The following CATSPERT variants were observed in gnomAD, a reference collection of about 807,000 sequenced individuals.
CATSPERT encodes the protein cation channel sperm-associated targeting subunit tau.
the CATSPERT span, among the ~76,000 whole-genome samples, chr2:201,531,552 G>C: frequency 6.6e-6 from 1 of 152,132 alleles, no homozygotes; most frequent in Non-Finnish European, 1.5e-5. Flanking sequence ...GGATGGAGGA[G>C]GGTGGATGGG....
At chr2:201,579,575 A>T in the CATSPERT span, among the ~76,000 whole-genome samples, 319 of 152,172 alleles carry the variant, frequency 2.1e-3, no homozygotes, top group African/African-American at 7.3e-3. Context: ...TGAACCACCA[A>T]GCCTGGCTCC....
At chr2:201,547,557 G>T in the CATSPERT span, 1 of 1,558,430 alleles carries the variant, frequency 6.4e-7, no homozygotes, top group Non-Finnish European at 8.7e-7. Flanking sequence ...TAAATAGTTA[G>T]CTTTATCTAT....
the CATSPERT span, among the ~76,000 whole-genome samples, chr2:201,611,952 T>G: frequency 5.9e-5 from 9 of 152,304 alleles, no homozygotes; most frequent in African/African-American, 1.9e-4. Flanking sequence ...CAGATTTGCT[T>G]CTGCAGATTC....
chr2:201,599,882 C>T, the CATSPERT span, among the ~76,000 whole-genome samples: 3 of 152,148 alleles, frequency 2.0e-5, no homozygotes, highest in Non-Finnish European at 4.4e-5. Flanking sequence ...GCCAATGAAG[C>T]TTAGGAAAAA....
chr2:201,582,312 A>ATATTAT, the CATSPERT span: 269 of 1,195,910 alleles, frequency 2.2e-4, no homozygotes, highest in African/African-American at 3.6e-3. Context: ...TATTATGCAA[A>ATATTAT]TATTATTATG....
the CATSPERT span, among the ~76,000 whole-genome samples, chr2:201,579,538 C>G: frequency 1.3e-5 from 2 of 152,184 alleles, no homozygotes; most frequent in South Asian, 4.1e-4. Context: ...CCTCCCTCAG[C>G]CTCCCAAAGT....
the CATSPERT span, among the ~76,000 whole-genome samples, chr2:201,526,533 A>G: frequency 6.6e-6 from 1 of 152,134 alleles, no homozygotes; most frequent in Non-Finnish European, 1.5e-5. Flanking sequence ...ACAAAAACCT[A>G]GCAAACCAAA....
At chr2:201,604,785 T>G in the CATSPERT span, 1 of 969,332 alleles carries the variant, frequency 1.0e-6, no homozygotes, top group Non-Finnish European at 1.5e-6. Flanking sequence ...TATGAATCTC[T>G]AGTAAGTGTC....
the CATSPERT span, among the ~76,000 whole-genome samples, chr2:201,597,078 C>A: frequency 6.6e-6 from 1 of 152,086 alleles, no homozygotes; most frequent in Non-Finnish European, 1.5e-5. Flanking sequence ...GTGTTCAGTT[C>A]TTTTTTGGAA....
At chr2:201,560,591 AAT>A in the CATSPERT span, among the ~76,000 whole-genome samples, 1 of 152,020 alleles carries the variant, frequency 6.6e-6, no homozygotes, top group Non-Finnish European at 1.5e-5. Flanking sequence ...AAAAGAATAG[AAT>A]AAAGAAAGGC....
At chr2:201,557,111 A>G in the CATSPERT span, 4 of 152,280 alleles carry the variant, frequency 2.6e-5, no homozygotes, top group African/African-American at 7.2e-5. Context: ...ACTCAGCTTC[A>G]AGTTACATTA....
chr2:201,564,733 G>A, the CATSPERT span, among the ~76,000 whole-genome samples: 1 of 152,094 alleles, frequency 6.6e-6, no homozygotes, highest in Admixed American at 6.5e-5. Flanking sequence ...TGCAAACCAG[G>A]AAGAGGGCCC....
chr2:201,505,761 T>C, the CATSPERT span, among the ~76,000 whole-genome samples: 1 of 152,172 alleles, frequency 6.6e-6, no homozygotes, highest in Non-Finnish European at 1.5e-5. Context: ...ATGGAAAAAT[T>C]GGACAAATTC....
chr2:201,545,643 AAAAAAAAAAAG>A, the CATSPERT span: 377 of 880,382 alleles, frequency 4.3e-4, 1 homozygote, highest in African/African-American at 5.8e-3. Context: ...AAAAAAAAAA[AAAAAAAAAAAG>A]AAAAAAAAAT....
chr2:201,520,886 G>GA, the CATSPERT span, among the ~76,000 whole-genome samples: 86,742 of 139,946 alleles, frequency 0.62, 27,762 homozygotes, highest in East Asian at 0.95. Context: ...TCCTGTCTCA[G>GA]AAAAAAAAAA....
the CATSPERT span, among the ~76,000 whole-genome samples, chr2:201,591,390 T>C: frequency 6.6e-6 from 1 of 152,192 alleles, no homozygotes; most frequent in East Asian, 1.9e-4. Context: ...TACTGTAGTC[T>C]TGTAGTATAG....
chr2:201,562,187 C>CTTTTTTTTTTTT, the CATSPERT span, among the ~76,000 whole-genome samples: 1 of 121,274 alleles, frequency 8.2e-6, no homozygotes. Context: ...TCTAATAATT[C>CTTTTTTTTTTTT]TTTTTTTTTT....
At chr2:201,573,665 A>T in the CATSPERT span, among the ~76,000 whole-genome samples, 1 of 151,148 alleles carries the variant, frequency 6.6e-6, no homozygotes, top group South Asian at 2.1e-4. Context: ...GTTTTATTTT[A>T]TTTTTTTTTG....
At chr2:201,522,965 A>C in the CATSPERT span, among the ~76,000 whole-genome samples, 1 of 152,106 alleles carries the variant, frequency 6.6e-6, no homozygotes, top group Admixed American at 6.6e-5. Flanking sequence ...CAGATGCCCA[A>C]CCGGGGTGTT....
Sources: gnomAD v4.1 joint callset for allele counts (sites outside exome capture counted in the v4.1 genomes callset) on GRCh38, gnomAD v4.1.1 for gene constraint, MANE v1.5 for transcripts, NCBI Gene and HGNC (gene_info 2026-07-23, HGNC 2026-07-21) for gene names.